Variants in MATN2 observed in about 807,000 individuals in gnomAD.
MATN2 encodes matrilin-2.
Under a neutral mutation model 103.2 loss-of-function variants are expected in MATN2, and 69 were observed. The ratio of observed to expected loss-of-function variants is 0.67; its 90% CI spans 0.55 to 0.82. The LOEUF (loss-of-function observed/expected upper bound fraction) is 0.82. Among genes scored for constraint, MATN2 ranks in the 40% least tolerant of loss-of-function variants. The probability of loss-of-function intolerance (pLI) is 0.00; values close to 1 mark genes in which losing one functional copy is unlikely to be tolerated. For missense variants in MATN2, 1,023 were observed against 1,211.5 expected, an observed-to-expected ratio of 0.84 and a Z score of 2.31; for synonymous variants, 429 against 450.2, an observed-to-expected ratio of 0.95 and a Z score of 0.60.
At chr8:97,957,016 T>C (rs910405787) in intron 4 of MATN2, among the ~76,000 whole-genome samples, 7 of 152,224 alleles carry the variant, frequency 4.6e-5, no homozygotes, top group Admixed American at 1.3e-4. Flanking sequence ...GACCCTCTTA[T>C]AATGGGGCAG....
chr8:97,946,764 C>G (rs995906426), intron 4 of MATN2, among the ~76,000 whole-genome samples: 1 of 152,080 alleles, frequency 6.6e-6, no homozygotes, highest in African/African-American at 2.4e-5. Context: ...TTTTTCTTCT[C>G]TCAAGAACGA....
In MATN2 at chr8:97,990,179, C is replaced by CAAA. The variant is rs34924183; in HGVS notation, c.1082-4280_1082-4278dup. Among the ~76,000 whole-genome samples, 354 of 45,724 alleles carry CAAA rather than the reference C, an allele frequency of 7.7e-3. 33 individuals carry two copies. Among genetic ancestry groups the CAAA allele is most frequent in the African/African-American group, 0.025 (299 of 11,936 alleles). 30.0% of individuals were successfully genotyped at this position (45,724 alleles called of 152,430 possible). On this transcript the variant is annotated intron_variant, in intron 6 of 18. Coordinates refer to ENST00000254898, the MANE Select transcript of MATN2 (RefSeq NM_002380.5). ...CCTGGGTGACAGAGCAAGACTCTGT[C>CAAA]AAAAAAAAAAAAAAAAAAAAAAAGA...
At chr8:97,958,355 G>A (rs943509984) in intron 4 of MATN2, among the ~76,000 whole-genome samples, 1 of 152,198 alleles carries the variant, frequency 6.6e-6, no homozygotes, top group African/African-American at 2.4e-5. Context: ...GTTCCAGCAT[G>A]CTGGAGCGTC....
intron 4 of MATN2, among the ~76,000 whole-genome samples, chr8:97,954,371 A>G (rs1053198300): frequency 6.6e-6 from 1 of 152,220 alleles, no homozygotes; most frequent in African/African-American, 2.4e-5. Context: ...ATAACGTATC[A>G]CAGATTTTTA....
intron 2 of MATN2, among the ~76,000 whole-genome samples, chr8:97,892,415 CA>C (rs35181049): frequency 0.13 from 10,382 of 77,736 alleles, 210 homozygotes; most frequent in Admixed American, 0.16. Flanking sequence ...GACCCTGTCT[CA>C]AAAAAAAAAA....
At chr8:97,878,889 A>G (rs1162735075) in intron 1 of MATN2, among the ~76,000 whole-genome samples, 1 of 152,132 alleles carries the variant, frequency 6.6e-6, no homozygotes, top group Non-Finnish European at 1.5e-5. Context: ...TTATCCTCCT[A>G]TTACAGTCGC....
At chr8:97,921,140 G>T (rs773594802) in intron 2 of MATN2, among the ~76,000 whole-genome samples, 4 of 152,118 alleles carry the variant, frequency 2.6e-5, no homozygotes, top group Non-Finnish European at 5.9e-5. Context: ...GCCTGTCTGT[G>T]TTACTCAGCT....
intron 2 of MATN2, among the ~76,000 whole-genome samples, chr8:97,889,820 C>T (rs1334667275): frequency 6.6e-6 from 1 of 151,982 alleles, no homozygotes; most frequent in Non-Finnish European, 1.5e-5. Context: ...GAAAAGCCAC[C>T]ACACACTTGC....
intron 2 of MATN2, among the ~76,000 whole-genome samples, chr8:97,888,696 G>A (rs1189464397): frequency 6.6e-6 from 1 of 152,140 alleles, no homozygotes; most frequent in African/African-American, 2.4e-5. Context: ...AATGCCAGGG[G>A]TCTATTCATC....
intron 1 of MATN2, among the ~76,000 whole-genome samples, chr8:97,881,725 C>T (rs1459355802): frequency 6.6e-6 from 1 of 152,096 alleles, no homozygotes; most frequent in Non-Finnish European, 1.5e-5. Flanking sequence ...TCTTCAAATG[C>T]TGACAGCTGT....
rs1309443668 is a variant in MATN2 at position 98,007,561 on chromosome 8, T to C, written c.1533T>C (p.Pro511=). 2 of 1,613,094 alleles carry C rather than the reference T, an allele frequency of 1.2e-6. No individual in the cohort carries two copies. Among genetic ancestry groups the C allele is most frequent in the Admixed American group, 1.7e-5 (1 of 60,016 alleles). ...NMDRSFACQC[P]EGHVLRSDGK... ...ACAGATCCTTTGCCTGTCAGTGTCC[T>C]GAGGGACACGTGCTCCGCAGCGATG... Residue 511 remains proline, a synonymous_variant, in exon 10 of 19, where the codon CCT becomes CCC. Transcript: ENST00000254898. This position sits in a 1 kb window ranked among gnomAD's most constrained non-coding sequence, Gnocchi z 4.2.
chr8:97,977,409 T>A (rs1811875919), intron 5 of MATN2, among the ~76,000 whole-genome samples: 1 of 152,060 alleles, frequency 6.6e-6, no homozygotes, highest in Admixed American at 6.6e-5. Flanking sequence ...CTTGGTTACT[T>A]CTGCAAAGAC....
At chr8:97,985,016 G>T (rs1418417528) in intron 6 of MATN2, among the ~76,000 whole-genome samples, 1 of 152,198 alleles carries the variant, frequency 6.6e-6, no homozygotes, top group Non-Finnish European at 1.5e-5. Flanking sequence ...CACAGCACCA[G>T]TACAAAATGG....
At chr8:97,941,571 C>T (rs567446876) in intron 3 of MATN2, among the ~76,000 whole-genome samples, 1 of 152,308 alleles carries the variant, frequency 6.6e-6, no homozygotes, top group African/African-American at 2.4e-5. Flanking sequence ...CAGCCTAACA[C>T]TGTTTCTCTT....
At chr8:97,992,528 A>T (rs1041999195) in intron 6 of MATN2, among the ~76,000 whole-genome samples, 1 of 151,844 alleles carries the variant, frequency 6.6e-6, no homozygotes, top group African/African-American at 2.4e-5. Flanking sequence ...CAGGTGGATC[A>T]CGAGATCAGG....
intron 3 of MATN2, among the ~76,000 whole-genome samples, chr8:97,936,993 G>A (rs1041447379): frequency 7.9e-5 from 12 of 152,180 alleles, no homozygotes; most frequent in African/African-American, 2.9e-4. Context: ...AAATAAGGAT[G>A]GCAGTTGTGA....
At chr8:98,024,589 C>T (rs990104241) in intron 13 of MATN2, among the ~76,000 whole-genome samples, 2 of 152,194 alleles carry the variant, frequency 1.3e-5, no homozygotes, top group Non-Finnish European at 2.9e-5. Context: ...ATGGGGCTTT[C>T]GTGGTAAGGT....
intron 6 of MATN2, among the ~76,000 whole-genome samples, chr8:97,990,356 T>C (rs1269477370): frequency 1.3e-5 from 2 of 152,160 alleles, no homozygotes; most frequent in Admixed American, 6.5e-5. Flanking sequence ...TCATACCCAC[T>C]AGAATGACTA....
intron 2 of MATN2, among the ~76,000 whole-genome samples, chr8:97,891,789 A>G (rs1323324640): frequency 6.6e-6 from 1 of 152,208 alleles, no homozygotes; most frequent in Non-Finnish European, 1.5e-5. Flanking sequence ...TGTGTTAACA[A>G]ACTATATATG....
Sources: gnomAD v4.1 joint callset for allele counts (sites outside exome capture counted in the v4.1 genomes callset) on GRCh38, gnomAD v4.1.1 for gene constraint, Gnocchi (gnomAD v3.1) non-coding constraint, MANE v1.5 for transcripts, NCBI Gene and HGNC (gene_info 2026-07-23, HGNC 2026-07-21) for gene names.